RIMS2: variants seen among roughly 807,000 people sequenced by gnomAD.
The protein encoded by RIMS2 is regulating synaptic membrane exocytosis 2.
RIMS2 carries 59 observed loss-of-function variants against 174.4 expected under a neutral mutation model. The observed-to-expected ratio is 0.34, with a 90% confidence interval of 0.27 to 0.42. The LOEUF (loss-of-function observed/expected upper bound fraction) is 0.42. Ranked by LOEUF, RIMS2 falls within the 10% of genes least tolerant of loss-of-function variation. The pLI is 1.00. For synonymous variants in RIMS2, 606 were observed against 572.5 expected (o/e 1.06, Z -0.84); for missense variants, 1,620 against 1,666.3 (o/e 0.97, Z 0.48).
At chr8:103,840,678 G>T (rs1055579238) in intron 3 of RIMS2, among the ~76,000 whole-genome samples, 2 of 151,664 alleles carry the variant, frequency 1.3e-5, no homozygotes, top group Non-Finnish European at 2.9e-5. Flanking sequence ...TACTATATAC[G>T]ATATACTATA....
intron 1 of RIMS2, among the ~76,000 whole-genome samples, chr8:103,678,166 T>C (rs1468005353): frequency 6.6e-6 from 1 of 152,214 alleles, no homozygotes; most frequent in Non-Finnish European, 1.5e-5. Flanking sequence ...TCTATCTTAT[T>C]TTACTGATGA....
intron 19 of RIMS2, among the ~76,000 whole-genome samples, chr8:104,118,035 A>AT (rs1235277975): frequency 1.5e-4 from 23 of 152,322 alleles, no homozygotes; most frequent in African/African-American, 5.1e-4. Flanking sequence ...ACGAACTTCT[A>AT]TTGGCATTGA....
rs555459507 is a variant in RIMS2, at chr8:104,042,679, T to C, written c.3334+28064T>C. Reference sequence around the variant, plus strand: ...TTATCAGGATAGAGAATATATGTTATACAAGTTTCAGGGGAAAGATAGAGT... The same window carrying C: ...TTATCAGGATAGAGAATATATGTTACACAAGTTTCAGGGGAAAGATAGAGT... On this transcript the variant is annotated intron_variant, in intron 19 of 23. Transcript: ENST00000504942. Among the ~76,000 whole-genome samples the C allele has an allele frequency of 2.0e-5, 3 of 151,816 alleles. No homozygotes were observed. The South Asian group carries it at 6.2e-4, about 31-fold the overall frequency.
At chr8:103,804,350 A>T (rs888934718) in intron 3 of RIMS2, among the ~76,000 whole-genome samples, 1 of 152,198 alleles carries the variant, frequency 6.6e-6, no homozygotes, top group Non-Finnish European at 1.5e-5. Context: ...GGATTTGGGG[A>T]TTCTACTGAG....
intron 6 of RIMS2, among the ~76,000 whole-genome samples, chr8:103,913,968 T>C (rs2076210768): frequency 6.6e-6 from 1 of 152,188 alleles, no homozygotes; most frequent in South Asian, 2.1e-4. Flanking sequence ...ATTTATTGTG[T>C]GGCATCCATG....
chr8:103,859,007 A>G (rs1052525108), intron 3 of RIMS2, among the ~76,000 whole-genome samples: 1 of 152,146 alleles, frequency 6.6e-6, no homozygotes, highest in African/African-American at 2.4e-5. Context: ...AATTTTCAGG[A>G]TCAAATAAAC....
intron 19 of RIMS2, 89 bp from the exon 23 acceptor site, chr8:104,068,423 C>T (rs2097140289): frequency 1.7e-6 from 1 of 596,490 alleles, no homozygotes; most frequent in African/African-American, 1.9e-5. Flanking sequence ...AATATACCAG[C>T]CTGGCTTTTC....
chr8:103,757,949 A>C (rs1190052344), intron 2 of RIMS2, among the ~76,000 whole-genome samples: 5 of 152,158 alleles, frequency 3.3e-5, no homozygotes, highest in African/African-American at 9.7e-5. Context: ...CCCTGTTGAC[A>C]TCTTGATTTT....
chr8:104,178,781 A>ACAG (rs1433752529), intron 19 of RIMS2, among the ~76,000 whole-genome samples: 287 of 152,284 alleles, frequency 1.9e-3, no homozygotes, highest in African/African-American at 6.4e-3. Flanking sequence ...GCTTCAGGGA[A>ACAG]TTAAGAAAAA....
At chr8:103,726,682 C>T (rs991432630) in intron 2 of RIMS2, among the ~76,000 whole-genome samples, 4 of 148,016 alleles carry the variant, frequency 2.7e-5, no homozygotes, top group African/African-American at 9.8e-5. Context: ...TTATGTCCCT[C>T]AATAGGATTA....
intron 1 of RIMS2, among the ~76,000 whole-genome samples, chr8:103,621,253 A>G (rs1453551672): frequency 6.6e-6 from 1 of 152,212 alleles, no homozygotes; most frequent in Non-Finnish European, 1.5e-5. Context: ...ACAAGAGTAC[A>G]CTGAACAAAG....
At chr8:103,998,093 C>T in intron 17 of RIMS2, 1 of 956,288 alleles carries the variant, frequency 1.0e-6, no homozygotes, top group South Asian at 1.6e-5. Flanking sequence ...GTCTGCCTAT[C>T]TTTTAAAATC....
chr8:103,827,722 C>A (rs535487338), intron 3 of RIMS2, among the ~76,000 whole-genome samples: 1 of 152,190 alleles, frequency 6.6e-6, no homozygotes, highest in East Asian at 1.9e-4. Context: ...GTAATCCCTG[C>A]TACTCAAGAG....
intron 1 of RIMS2, among the ~76,000 whole-genome samples, chr8:103,591,634 G>A (rs1465506978): frequency 1.3e-5 from 2 of 150,988 alleles, no homozygotes; most frequent in South Asian, 2.1e-4. Context: ...TTTCCATATG[G>A]ATATCCAGTT....
At chr8:103,769,346 G>A (rs1034811299) in intron 3 of RIMS2, among the ~76,000 whole-genome samples, 1 of 152,068 alleles carries the variant, frequency 6.6e-6, no homozygotes, top group Non-Finnish European at 1.5e-5. Context: ...TTTGTTTTGA[G>A]ACAGAAGTCT....
rs1292217255 is a variant in RIMS2 at position 103,603,147 on chromosome 8, C to G, written c.177-93939C>G. 4.4e-5 allele frequency among the ~76,000 whole-genome samples: 5 copies of G among 113,232 alleles called. No homozygotes were observed. In the Admixed American group the frequency reaches 5.3e-4, roughly 12 times the overall value. The allele number at this position is 113,232 out of a possible 152,430, so 74.3% of individuals were successfully genotyped here. On this transcript the variant is annotated intron_variant, in intron 1 of 23. Coordinates refer to ENST00000504942, the Ensembl canonical transcript of RIMS2. ...TATCTCCCAGTGCTATCCCTCCCCCCTCCCCCCACCCCAACACAGTCCCCA... is the reference window on the plus strand; with the variant it reads ...TATCTCCCAGTGCTATCCCTCCCCCGTCCCCCCACCCCAACACAGTCCCCA...
At chr8:103,781,345 G>C (rs530673396) in intron 3 of RIMS2, among the ~76,000 whole-genome samples, 32 of 152,320 alleles carry the variant, frequency 2.1e-4, no homozygotes, top group African/African-American at 7.0e-4. Flanking sequence ...GGATATTGCT[G>C]ATGATAAATT....
At chr8:103,858,676 C>CGT (rs1359547945) in intron 3 of RIMS2, among the ~76,000 whole-genome samples, 1 of 143,632 alleles carries the variant, frequency 7.0e-6, no homozygotes, top group Non-Finnish European at 1.5e-5. Flanking sequence ...TATATATATA[C>CGT]GTGTGTGTGT....
intron 1 of RIMS2, among the ~76,000 whole-genome samples, chr8:103,580,996 A>T (rs995337861): frequency 5.9e-5 from 9 of 151,446 alleles, no homozygotes; most frequent in African/African-American, 1.5e-4. Flanking sequence ...CGTCCAGCTA[A>T]TTTTTTTGTA....
Sources: gnomAD v4.1 joint callset for allele counts (sites outside exome capture counted in the v4.1 genomes callset) on GRCh38, gnomAD v4.1.1 for gene constraint, MANE v1.5 for transcripts, NCBI Gene and HGNC (gene_info 2026-07-23, HGNC 2026-07-21) for gene names.